CEP164: variants seen among roughly 807,000 people sequenced by gnomAD.
The protein encoded by CEP164 is centrosomal protein of 164 kDa.
Under a neutral mutation model 182.7 loss-of-function variants are expected in CEP164, and 162 were observed. The observed-to-expected ratio is 0.89, with a 90% CI of 0.78 to 1.01. The LOEUF is 1.01. Ranked by LOEUF, CEP164 falls within the 50% of genes least tolerant of loss-of-function variation. The probability of loss-of-function intolerance (pLI) is 0.00; values close to 1 mark genes in which losing one functional copy is unlikely to be tolerated. For synonymous variants in CEP164, 661 were observed against 690.0 expected, an observed-to-expected ratio of 0.96 and a Z score of 0.66; for missense variants, 1,735 against 1,790.4, an observed-to-expected ratio of 0.97 and a Z score of 0.56.
At chr11:117,351,728 C>CTTTTTT in intron 4 of CEP164, 62 bp from the exon 5 acceptor site, 2 of 1,332,816 alleles carry the variant, frequency 1.5e-6, no homozygotes, top group Non-Finnish European at 2.0e-6. Flanking sequence ...TTTTTCCCCT[C>CTTTTTT]TTTTTTTTTT....
chr11:117,387,329 G>T lies in CEP164; in HGVS notation c.1851G>T (p.Lys617Asn), dbSNP rs748365921. 1.2e-6 allele frequency: 2 copies of T among 1,614,216 alleles called. No individual in the cohort carries two copies. The highest frequency in any genetic ancestry group is 1.7e-6 in the Non-Finnish European group (2 of 1,180,044). ...ACCTGCTGGAATCCAAGCAAGAGAA[G>T]ATGCAGCAACTGCGGGAGAAGCTGT... ...QRHLLESKQEKMQQLREKLCQ... is the reference protein window; with the variant it reads ...QRHLLESKQENMQQLREKLCQ... The change falls in exon 15 of 33, where the codon AAG becomes AAT. Residue 617 changes from lysine (K) to asparagine (N), a missense_variant. Physicochemically the swap from Lys to Asn is moderately conservative, Grantham distance 94. Transcript: ENST00000278935.
intron 23 of CEP164, 148 bp from the exon 24 acceptor site, chr11:117,395,399 C>T: frequency 2.0e-6 from 2 of 1,016,212 alleles, no homozygotes; most frequent in South Asian, 1.7e-5. Context: ...AGCCTGCAGA[C>T]CTCTTGACCT....
chr11:117,350,987 A>G (rs1037166045), intron 4 of CEP164, among the ~76,000 whole-genome samples: 2 of 151,892 alleles, frequency 1.3e-5, no homozygotes, highest in Admixed American at 1.3e-4. Context: ...CTCCTGCATT[A>G]TTTTCTTCTA....
intron 4 of CEP164, among the ~76,000 whole-genome samples, chr11:117,350,879 T>C (rs1392894361): frequency 2.6e-5 from 4 of 152,236 alleles, no homozygotes; most frequent in Non-Finnish European, 5.9e-5. Context: ...ATTACTCTTT[T>C]CCTGTTAGCT....
At chr11:117,388,344 A>G (rs2044187705) in intron 15 of CEP164, among the ~76,000 whole-genome samples, 1 of 152,232 alleles carries the variant, frequency 6.6e-6, no homozygotes, top group South Asian at 2.1e-4. Context: ...TGCTGAACAA[A>G]TGGTAGCAAT....
At position 117,395,995 on chromosome 11, in the gene CEP164, C is replaced by T. The variant is rs939619002; in HGVS notation, c.3090-59C>T. 3.1e-6 allele frequency: 5 copies of T among 1,606,480 alleles called. No individual in the cohort carries two copies. In the South Asian group the frequency reaches 4.5e-5, roughly 14 times the overall value. On this transcript the variant is annotated intron_variant, in intron 24 of 32. Coordinates refer to ENST00000278935, the MANE Select transcript of CEP164 (RefSeq NM_014956.5). ...GGGTGGAGATGGTTCTGACCCACTT[C>T]ACCCCTCCCCCCCATCGCCAGCCGC...
chr11:117,381,578 G>C, intron 12 of CEP164, 123 bp from the exon 13 acceptor site: 1 of 1,153,934 alleles, frequency 8.7e-7, no homozygotes, highest in East Asian at 2.8e-5. Flanking sequence ...TGGATGTGGG[G>C]GTGGGGCTGG....
intron 19 of CEP164, 143 bp downstream of exon 19, chr11:117,392,770 C>G: frequency 7.8e-7 from 1 of 1,282,960 alleles, no homozygotes; most frequent in Non-Finnish European, 1.1e-6. Context: ...CTTTTTATGC[C>G]TTAGTTCCCT....
chr11:117,358,165 T>C (rs552549620), intron 5 of CEP164, among the ~76,000 whole-genome samples: 2 of 152,340 alleles, frequency 1.3e-5, no homozygotes, highest in African/African-American at 4.8e-5. Context: ...CTGAAAGTTT[T>C]AATTAGCCCA....
upstream of CEP164, among the ~76,000 whole-genome samples, chr11:117,325,297 C>T (rs1332928115): frequency 6.6e-6 from 1 of 152,080 alleles, no homozygotes; most frequent in Non-Finnish European, 1.5e-5. Flanking sequence ...GTTGGCCAGG[C>T]TGGTCTTGAG....
intron 5 of CEP164, chr11:117,356,201 G>A: frequency 9.3e-7 from 1 of 1,071,514 alleles, no homozygotes; most frequent in South Asian, 2.5e-5. Flanking sequence ...GAGCCCTGAC[G>A]AGGAGCAGTC....
At chr11:117,387,171 T>C (rs1238170020) in intron 14 of CEP164, 32 bp from the exon 15 acceptor site, 3 of 1,588,998 alleles carry the variant, frequency 1.9e-6, no homozygotes, top group Non-Finnish European at 2.6e-6. Context: ...ACATTAACCC[T>C]GTGATGATAT....
intron 2 of CEP164, among the ~76,000 whole-genome samples, chr11:117,336,809 G>A (rs1591982930): frequency 6.6e-6 from 1 of 151,954 alleles, no homozygotes; most frequent in Non-Finnish European, 1.5e-5. Flanking sequence ...AGGACTTGTG[G>A]CTCCAGACTC....
Position 117,408,044 on chromosome 11 carries a change from T to A in CEP164, c.3609+12T>A. 6.4e-7 allele frequency: 1 copy of A among 1,558,110 alleles called. No homozygotes were observed. The highest frequency in any genetic ancestry group is 8.7e-7 in the Non-Finnish European group (1 of 1,145,570). Reference sequence around the variant, plus strand: ...CTCTTTGGGAAGAGGTGCAGCCCCATGTCCACATAGTCCAGTGGGCCCTGG... The same window carrying A: ...CTCTTTGGGAAGAGGTGCAGCCCCAAGTCCACATAGTCCAGTGGGCCCTGG... On this transcript the variant is annotated intron_variant, in intron 28 of 32. Coordinates refer to ENST00000278935, the MANE Select transcript of CEP164 (RefSeq NM_014956.5).
At chr11:117,395,268 G>A (rs1035366377) in intron 23 of CEP164, 77 bp downstream of exon 23, 1 of 1,536,418 alleles carries the variant, frequency 6.5e-7, no homozygotes, top group African/African-American at 1.4e-5. Flanking sequence ...CCCACATTTT[G>A]TTCATCTGAT....
intron 1 of CEP164, among the ~76,000 whole-genome samples, chr11:117,331,467 AGT>A (rs1390706827): frequency 2.0e-5 from 3 of 152,286 alleles, no homozygotes; most frequent in Admixed American, 6.5e-5. Context: ...GCACTTTATA[AGT>A]GTTGTTTCAT....
chr11:117,397,037 C>A, intron 26 of CEP164, 54 bp from the exon 27 acceptor site: 2 of 1,514,104 alleles, frequency 1.3e-6, no homozygotes, highest in South Asian at 2.5e-5. Context: ...CTGTGTGACC[C>A]AGAGCAGAGT....
intron 27 of CEP164, among the ~76,000 whole-genome samples, chr11:117,402,411 G>A (rs1306575496): frequency 2.6e-5 from 4 of 151,946 alleles, no homozygotes; most frequent in African/African-American, 7.3e-5. Context: ...AGTAGAGGCG[G>A]GGTTTCACCA....
chr11:117,358,637 G>A (rs2040583571), intron 5 of CEP164, among the ~76,000 whole-genome samples: 1 of 150,598 alleles, frequency 6.6e-6, no homozygotes, highest in Admixed American at 6.6e-5. Flanking sequence ...TTGAGCTCCT[G>A]GGCTTAAGCA....
Sources: gnomAD v4.1 joint callset for allele counts (sites outside exome capture counted in the v4.1 genomes callset) on GRCh38, gnomAD v4.1.1 for gene constraint, MANE v1.5 for transcripts, NCBI Gene and HGNC (gene_info 2026-07-23, HGNC 2026-07-21) for gene names.